The following AGAP1 variants were observed in gnomAD, a reference collection of about 807,000 sequenced individuals.
AGAP1 encodes arf-GAP with GTPase, ANK repeat and PH domain-containing protein 1.
A neutral mutation model predicts 105.3 loss-of-function variants in AGAP1; 29 were observed. The ratio of observed to expected loss-of-function variants is 0.28; its 90% CI spans 0.21 to 0.38. The LOEUF (loss-of-function observed/expected upper bound fraction) is 0.38, where lower values mean the gene tolerates loss of function less well. AGAP1 is among the 10% of genes least tolerant of loss of function. The pLI, the probability that AGAP1 is intolerant of heterozygous loss-of-function variation, is 1.00. For synonymous variants in AGAP1, 509 were observed against 485.9 expected (o/e 1.05, Z -0.63); for missense variants, 998 against 1,165.1 (o/e 0.86, Z 2.09).
rs535669910 is a variant in AGAP1 at position 235,612,871 on chromosome 2, G to A, written c.164-96308G>A. ...TGGCTTCTGCTTCCAGTGAGACTCCGCCCAGGTTATGTTTGTGGCCTTTTA... is the reference window on the plus strand; with the variant it reads ...TGGCTTCTGCTTCCAGTGAGACTCCACCCAGGTTATGTTTGTGGCCTTTTA... On this transcript the variant is annotated intron_variant, in intron 1 of 17. Coordinates refer to ENST00000304032, the MANE Select transcript of AGAP1 (RefSeq NM_001037131.3). The surrounding 1 kb of genome is among the most constrained non-coding windows in gnomAD (Gnocchi z 4.3). Among the ~76,000 whole-genome samples the A allele has an allele frequency of 5.3e-5, 8 of 152,254 alleles. No homozygotes were observed. The highest frequency in any genetic ancestry group is 2.1e-4 in the South Asian group (1 of 4,828).
At chr2:235,975,648 A>G (rs1202342944) in intron 13 of AGAP1, among the ~76,000 whole-genome samples, 1 of 152,218 alleles carries the variant, frequency 6.6e-6, no homozygotes, top group Non-Finnish European at 1.5e-5. Flanking sequence ...TTCCAGGTTT[A>G]TATCCAGTCT....
chr2:235,571,292 A>G (rs1438926196), intron 1 of AGAP1, among the ~76,000 whole-genome samples: 1 of 152,236 alleles, frequency 6.6e-6, no homozygotes, highest in Non-Finnish European at 1.5e-5. Flanking sequence ...ACACCATATC[A>G]GTGTCTTATG....
At chr2:236,115,149 C>A (rs1168798154) in intron 16 of AGAP1, among the ~76,000 whole-genome samples, 1 of 152,250 alleles carries the variant, frequency 6.6e-6, no homozygotes, top group African/African-American at 2.4e-5. Flanking sequence ...GCACTTCCCC[C>A]ACACGTGCCG....
Position 235,682,630 on chromosome 2 carries a change from C to T in AGAP1, c.164-26549C>T, listed in dbSNP as rs139144593. Among the ~76,000 whole-genome samples the T allele has an allele frequency of 9.1e-4, 138 of 152,164 alleles. 1 individual carries two copies. The highest frequency in any genetic ancestry group is 3.2e-3 in the African/African-American group (133 of 41,530). ...AAAGTGCTGGGATTATAGGCCTGAT[C>T]CACCATGCCTGGCACAGAACCCTGA... On this transcript the variant is annotated intron_variant, in intron 1 of 17. Coordinates refer to ENST00000304032, the MANE Select transcript of AGAP1 (RefSeq NM_001037131.3).
intron 6 of AGAP1, among the ~76,000 whole-genome samples, chr2:235,795,786 A>G (rs942008567): frequency 3.9e-5 from 6 of 152,212 alleles, no homozygotes; most frequent in African/African-American, 9.7e-5. Flanking sequence ...GCAGTTAACA[A>G]TGCTAAATAC....
chr2:235,619,451 G>A lies in AGAP1; in HGVS notation c.164-89728G>A, dbSNP rs974433994. Among the ~76,000 whole-genome samples the A allele has an allele frequency of 5.4e-5, 8 of 148,104 alleles. No individual in the cohort carries two copies. The East Asian group carries it at 6.1e-4, about 11-fold the overall frequency. ...TGGGATTCAATCCTGGGGCTGAAGT[G>A]GGGGAGCTGGGATTCAAACCTGGGG... On this transcript the variant is annotated intron_variant, in intron 1 of 17. Coordinates refer to ENST00000304032, the MANE Select transcript of AGAP1 (RefSeq NM_001037131.3).
In AGAP1 at chr2:235,751,187, G is replaced by A. The variant is rs114085975; in HGVS notation, c.673+699G>A. On this transcript the variant is annotated intron_variant, in intron 6 of 17. Coordinates refer to ENST00000304032, the MANE Select transcript of AGAP1 (RefSeq NM_001037131.3). The surrounding 1 kb of genome is among the most constrained non-coding windows in gnomAD (Gnocchi z 5.3). ...CCTGTGCAGATGCGTGGGGTGGGCG[G>A]GAGAGGTGGCGTCACCCTGGGGATA... 8.1e-3 allele frequency among the ~76,000 whole-genome samples: 1,233 copies of A among 152,228 alleles called. 14 individuals are homozygous for A. The highest frequency in any genetic ancestry group is 0.028 in the African/African-American group (1,171 of 41,528).
At chr2:235,643,454 AAAAAAAG>A (rs1947268871) in intron 1 of AGAP1, among the ~76,000 whole-genome samples, 2 of 151,024 alleles carry the variant, frequency 1.3e-5, no homozygotes, top group African/African-American at 4.9e-5. Context: ...AAAAAAAAAA[AAAAAAAG>A]AAAGAAAGTT....
intron 11 of AGAP1, among the ~76,000 whole-genome samples, chr2:235,929,036 T>C (rs1434627302): frequency 6.6e-6 from 1 of 152,118 alleles, no homozygotes; most frequent in Non-Finnish European, 1.5e-5. Context: ...GAGATGGAGC[T>C]CTCAGAACAT....
At chr2:235,682,221 AAAT>A (rs1191789651) in intron 1 of AGAP1, among the ~76,000 whole-genome samples, 1 of 151,990 alleles carries the variant, frequency 6.6e-6, no homozygotes, top group Non-Finnish European at 1.5e-5. Flanking sequence ...TTTAATATAG[AAAT>A]AATATGTACG....
At chr2:235,935,513 G>C (rs1177650759) in intron 12 of AGAP1, among the ~76,000 whole-genome samples, 1 of 152,172 alleles carries the variant, frequency 6.6e-6, no homozygotes, top group African/African-American at 2.4e-5. Flanking sequence ...GCAACCTCTT[G>C]TGTAGATTCT....
At position 235,691,244 on chromosome 2, in the gene AGAP1, T is replaced by C. The variant is rs561170328; in HGVS notation, c.164-17935T>C. 3.0e-3 allele frequency among the ~76,000 whole-genome samples: 456 copies of C among 152,210 alleles called. 5 individuals are homozygous for C. The highest frequency in any genetic ancestry group is 5.4e-3 in the Non-Finnish European group (366 of 68,002). ...CCACCGTCAATCAAGCACATGCGCATAGGGCTCTGTGCCTGGCCCCAGGAC... is the reference window on the plus strand; with the variant it reads ...CCACCGTCAATCAAGCACATGCGCACAGGGCTCTGTGCCTGGCCCCAGGAC... On this transcript the variant is annotated intron_variant, in intron 1 of 17. Coordinates refer to ENST00000304032, the MANE Select transcript of AGAP1 (RefSeq NM_001037131.3). This position sits in a 1 kb window ranked among gnomAD's most constrained non-coding sequence, Gnocchi z 4.4.
Position 235,692,147 on chromosome 2 carries a change from T to A in AGAP1, c.164-17032T>A, listed in dbSNP as rs1949762783. On this transcript the variant is annotated intron_variant, in intron 1 of 17. Transcript: ENST00000304032. The surrounding 1 kb of genome is among the most constrained non-coding windows in gnomAD (Gnocchi z 5.8). Reference sequence around the variant, plus strand: ...AAGAAGCTTTTGTACATGCGTTATGTATCCATAAGCCAAAGCCGGGGGCTC... The same window carrying A: ...AAGAAGCTTTTGTACATGCGTTATGAATCCATAAGCCAAAGCCGGGGGCTC... Among the ~76,000 whole-genome samples, 1 of 152,126 alleles carries A rather than the reference T, an allele frequency of 6.6e-6. No homozygotes were observed. The highest frequency in any genetic ancestry group is 2.4e-5 in the African/African-American group (1 of 41,418).
chr2:235,799,450 C>T lies in AGAP1; in HGVS notation c.885C>T (p.Ile295=), dbSNP rs748157624. ...GCACCAGCCAGAAGGAACTTCGGAT[C>T]GATGTTCCTCCCACTGCCAACACGC... ...TPSTSQKELR[I]DVPPTANTPT... Residue 295 remains isoleucine (I), a synonymous_variant, in exon 8 of 18, where the codon ATC becomes ATT. Transcript: ENST00000304032. This position sits in a 1 kb window ranked among gnomAD's most constrained non-coding sequence, Gnocchi z 5.0. 32 of 1,614,188 alleles carry T rather than the reference C, an allele frequency of 2.0e-5. No homozygotes were observed. The highest frequency in any genetic ancestry group is 5.5e-5 in the South Asian group (5 of 91,072).
intron 13 of AGAP1, among the ~76,000 whole-genome samples, chr2:236,018,569 G>GT (rs1275829254): frequency 1.3e-5 from 2 of 152,218 alleles, no homozygotes; most frequent in African/African-American, 2.4e-5. Flanking sequence ...TAAGCTCTCT[G>GT]TTTTTGCAGA....
At chr2:235,726,246 T>C (rs2149586568) in intron 3 of AGAP1, among the ~76,000 whole-genome samples, 1 of 151,996 alleles carries the variant, frequency 6.6e-6, no homozygotes, top group African/African-American at 2.4e-5. Flanking sequence ...CTGTGGGGAG[T>C]CACTGTCTCC....
rs1559257894 is a variant in AGAP1 at position 236,082,500 on chromosome 2, A to G, written c.2114+33219A>G. ...TTCCTAAGCATCGATCCCCTCCAGA[A>G]AGGAAGATGGTTCCCAAAAGGCCTA... On this transcript the variant is annotated intron_variant, in intron 16 of 17. Transcript: ENST00000304032. This position sits in a 1 kb window ranked among gnomAD's most constrained non-coding sequence, Gnocchi z 4.2. Among the ~76,000 whole-genome samples, 2 of 152,192 alleles carry G rather than the reference A, an allele frequency of 1.3e-5. No individual in the cohort carries two copies. Among genetic ancestry groups the G allele is most frequent in the Non-Finnish European group, 2.9e-5 (2 of 68,028 alleles).
chr2:235,897,444 A>G (rs2050859311), intron 10 of AGAP1, among the ~76,000 whole-genome samples: 1 of 152,206 alleles, frequency 6.6e-6, no homozygotes, highest in Middle Eastern at 3.2e-3. Flanking sequence ...AGTTAAAATG[A>G]AAAAATAGAA....
intron 6 of AGAP1, among the ~76,000 whole-genome samples, chr2:235,782,161 A>G (rs1443672618): frequency 6.6e-6 from 1 of 152,248 alleles, no homozygotes; most frequent in Non-Finnish European, 1.5e-5. Context: ...CAGGGCACCA[A>G]GAGCATGGCA....
Sources: allele counts gnomAD v4.1 joint callset (sites outside exome capture counted in the v4.1 genomes callset), GRCh38; gene constraint gnomAD v4.1.1; non-coding constraint Gnocchi (gnomAD v3.1); transcripts MANE v1.5; gene names NCBI Gene and HGNC (gene_info 2026-07-23, HGNC 2026-07-21).